Variants in HECTD2 observed in about 807,000 individuals in gnomAD.
The protein encoded by HECTD2 is HECT domain E3 ubiquitin protein ligase 2.
HECTD2 carries 35 observed loss-of-function variants against 103.2 expected under a neutral mutation model. That is an observed-to-expected ratio of 0.34 (90% CI 0.26 to 0.45). The LOEUF is 0.45. Ranked by LOEUF, HECTD2 falls within the 20% of genes least tolerant of loss-of-function variation. The pLI, the probability that HECTD2 is intolerant of heterozygous loss-of-function variation, is 1.00. For synonymous variants in HECTD2, 281 were observed against 329.9 expected, an observed-to-expected ratio of 0.85 and a Z score of 1.61; for missense variants, 596 against 937.4, an observed-to-expected ratio of 0.64 and a Z score of 4.76.
At chr10:91,433,376 G>A (rs957600189) in intron 2 of HECTD2, among the ~76,000 whole-genome samples, 3 of 151,844 alleles carry the variant, frequency 2.0e-5, no homozygotes, top group Non-Finnish European at 1.5e-5. Context: ...GCAAATGCAA[G>A]CAAATATAAA....
At chr10:91,412,135 A>C (rs1019897876) in intron 1 of HECTD2, among the ~76,000 whole-genome samples, 5 of 152,242 alleles carry the variant, frequency 3.3e-5, no homozygotes, top group Non-Finnish European at 2.9e-5. Flanking sequence ...TTTAATACCC[A>C]CAGTAAGGTC....
At chr10:91,481,821 CATTTA>C (rs1846096713) in intron 7 of HECTD2, among the ~76,000 whole-genome samples, 3 of 151,500 alleles carry the variant, frequency 2.0e-5, no homozygotes, top group African/African-American at 7.3e-5. Flanking sequence ...TATATTATCT[CATTTA>C]AAAGTAAGGA....
chr10:91,474,144 A>G (rs554669364), intron 5 of HECTD2, among the ~76,000 whole-genome samples: 2 of 152,352 alleles, frequency 1.3e-5, no homozygotes, highest in South Asian at 2.1e-4. Flanking sequence ...ATAAGAAATC[A>G]AAAGTAACCT....
In HECTD2 at chr10:91,513,946, G is replaced by T. The variant is rs1847520164; in HGVS notation, c.*1562G>T. 1 of 152,386 alleles carries T rather than the reference G, an allele frequency of 6.6e-6. No individual in the cohort carries two copies. The highest frequency in any genetic ancestry group is 2.4e-5 in the African/African-American group (1 of 41,364). 9.4% of individuals were successfully genotyped at this position (152,386 alleles called of 1,614,324 possible). On this transcript the variant is annotated 3_prime_UTR_variant, in exon 21 of 21. Transcript: ENST00000298068. ...GGAAGTGATTCTGCTCTTCCATTTG[G>T]GTATATTATTTCAAGGGTATTTCTT...
At chr10:91,454,653 T>A (rs1163749334) in intron 2 of HECTD2, among the ~76,000 whole-genome samples, 1 of 152,030 alleles carries the variant, frequency 6.6e-6, no homozygotes, top group Non-Finnish European at 1.5e-5. Context: ...ATGTGCCATG[T>A]TGGTGTGCTG....
intron 5 of HECTD2, among the ~76,000 whole-genome samples, chr10:91,473,006 G>A (rs1845780719): frequency 6.6e-6 from 1 of 152,132 alleles, no homozygotes; most frequent in African/African-American, 2.4e-5. Context: ...GAATAAGAAA[G>A]ACTAAACTTC....
chr10:91,435,058 G>A (rs1844057375), intron 2 of HECTD2, among the ~76,000 whole-genome samples: 1 of 151,902 alleles, frequency 6.6e-6, no homozygotes, highest in Admixed American at 6.6e-5. Context: ...AATCCAAAAT[G>A]TGTTATACAT....
intron 12 of HECTD2, 45 bp from the exon 13 acceptor site, chr10:91,492,307 T>G (rs1294230479): frequency 2.6e-6 from 4 of 1,566,330 alleles, no homozygotes; most frequent in Non-Finnish European, 3.5e-6. Context: ...TAATTCTCTT[T>G]TCACTGCTCT....
intron 2 of HECTD2, among the ~76,000 whole-genome samples, chr10:91,426,308 C>G (rs895863909): frequency 6.6e-6 from 1 of 151,888 alleles, no homozygotes; most frequent in Non-Finnish European, 1.5e-5. Context: ...CAAGACAAAA[C>G]AAACCTTCAA....
At chr10:91,427,637 A>G (rs1165549859) in intron 2 of HECTD2, among the ~76,000 whole-genome samples, 2 of 152,174 alleles carry the variant, frequency 1.3e-5, no homozygotes, top group East Asian at 3.9e-4. Flanking sequence ...TTGGCAGCAT[A>G]AATGTCTTCT....
At chr10:91,463,203 G>A (rs1379147823) in intron 5 of HECTD2, 3 of 151,618 alleles carry the variant, frequency 2.0e-5, no homozygotes, top group South Asian at 2.1e-4. Flanking sequence ...GTCAATTAAC[G>A]TATATTTTAT....
At chr10:91,444,288 A>G (rs984183801) in intron 2 of HECTD2, among the ~76,000 whole-genome samples, 1 of 152,192 alleles carries the variant, frequency 6.6e-6, no homozygotes, top group Non-Finnish European at 1.5e-5. Context: ...TACCATGTTG[A>G]GGTGGAAGAG....
intron 20 of HECTD2, among the ~76,000 whole-genome samples, chr10:91,509,041 G>T (rs1847314393): frequency 6.8e-6 from 1 of 147,956 alleles, no homozygotes; most frequent in African/African-American, 2.5e-5. Flanking sequence ...ACCAAACACC[G>T]CATATTCTCA....
intron 20 of HECTD2, among the ~76,000 whole-genome samples, chr10:91,507,917 A>C (rs1254755800): frequency 7.3e-6 from 1 of 137,726 alleles, no homozygotes; most frequent in Non-Finnish European, 1.5e-5. Context: ...CTGGTACCAA[A>C]ACAGAGATAT....
At chr10:91,437,893 A>G (rs1844201519) in intron 2 of HECTD2, among the ~76,000 whole-genome samples, 1 of 152,084 alleles carries the variant, frequency 6.6e-6, no homozygotes, top group South Asian at 2.1e-4. Flanking sequence ...AAGAAATGAT[A>G]TAAACTAGTG....
At position 91,442,287 on chromosome 10, in the gene HECTD2, ATC is replaced by A. The variant is rs1261940446; in HGVS notation, c.268+16882_268+16883del. Among the ~76,000 whole-genome samples, 29 of 4,840 alleles carry A rather than the reference ATC, an allele frequency of 6.0e-3. 2 individuals carry two copies. Among genetic ancestry groups the A allele is most frequent in the African/African-American group, 0.035 (25 of 708 alleles). The allele number at this position is 4,840 out of a possible 152,430, so 3.2% of individuals were successfully genotyped here. On this transcript the variant is annotated intron_variant, in intron 2 of 20. Coordinates refer to ENST00000298068, the MANE Select transcript of HECTD2 (RefSeq NM_182765.6). Reference sequence around the variant, plus strand: ...GTAAGGCAGGCCTGGTGGTGACAGAATCTCTCAGCATTTGCTTGTCTGTAAAG... The same window carrying A: ...GTAAGGCAGGCCTGGTGGTGACAGAATCTCAGCATTTGCTTGTCTGTAAAG...
At chr10:91,418,752 A>G (rs1361521281) in intron 1 of HECTD2, among the ~76,000 whole-genome samples, 3 of 152,180 alleles carry the variant, frequency 2.0e-5, no homozygotes, top group Non-Finnish European at 2.9e-5. Context: ...ACTGTAAATT[A>G]TATCGTTGGC....
At chr10:91,511,392 A>C (rs1032567078) in intron 20 of HECTD2, among the ~76,000 whole-genome samples, 1 of 152,200 alleles carries the variant, frequency 6.6e-6, no homozygotes, top group African/African-American at 2.4e-5. Context: ...TTACTTTTTA[A>C]TACTAAAAAC....
At position 91,491,308 on chromosome 10, in the gene HECTD2, G is replaced by C; in HGVS notation, c.1299+1G>C. On this transcript the variant is annotated splice_donor_variant, in intron 12 of 20. Coordinates refer to ENST00000298068, the MANE Select transcript of HECTD2 (RefSeq NM_182765.6). LOFTEE classifies it high-confidence loss of function. ...TCTGGTTAGCGATTCACTTGATGAG[G>C]TATAATTTATTCCAAAATGATATTA... 1 of 1,322,562 alleles carries C rather than the reference G, an allele frequency of 7.6e-7. No individual in the cohort carries two copies. The highest frequency in any genetic ancestry group is 2.4e-5 in the East Asian group (1 of 41,122). The allele number at this position is 1,322,562 out of a possible 1,614,324, so 81.9% of individuals were successfully genotyped here.
Sources: allele counts gnomAD v4.1 joint callset (sites outside exome capture counted in the v4.1 genomes callset), GRCh38; gene constraint gnomAD v4.1.1; transcripts MANE v1.5; gene names NCBI Gene and HGNC (gene_info 2026-07-23, HGNC 2026-07-21).